Variants in ADAMTSL2 observed in about 807,000 individuals in gnomAD.
ADAMTSL2 encodes the protein ADAMTS like 2.
A neutral mutation model predicts 117.0 loss-of-function variants in ADAMTSL2; 55 were observed. The ratio of observed to expected loss-of-function variants is 0.47; its 90% CI spans 0.38 to 0.59. The LOEUF (loss-of-function observed/expected upper bound fraction) is 0.59. Ranked by LOEUF, ADAMTSL2 falls within the 20% of genes least tolerant of loss-of-function variation. ADAMTSL2 has a pLI of 0.00. For missense variants in ADAMTSL2, 1,182 were observed against 1,354.5 expected (o/e 0.87, Z 2.00); for synonymous variants, 572 against 566.4 (o/e 1.01, Z -0.14).
chr9:133,551,812 CTTTTTTTTTTTT>C (rs56225051), intron 9 of ADAMTSL2, among the ~76,000 whole-genome samples: 56 of 111,088 alleles, frequency 5.0e-4, no homozygotes, highest in Admixed American at 1.8e-3. Context: ...AAAGCAGCAG[CTTTTTTTTTTTT>C]TTTTTTTTTT....
intron 12 of ADAMTSL2, among the ~76,000 whole-genome samples, chr9:133,565,102 A>G (rs900159191): frequency 2.0e-5 from 3 of 152,214 alleles, no homozygotes; most frequent in African/African-American, 7.2e-5. Context: ...CACCGTGGTG[A>G]GGACAGTGGA....
At chr9:133,569,707 A>G (rs1831060066) in intron 16 of ADAMTSL2, 129 bp downstream of exon 16, 7 of 955,572 alleles carry the variant, frequency 7.3e-6, no homozygotes, top group Non-Finnish European at 9.5e-6. Flanking sequence ...TGAAGGGACA[A>G]TTCCCTAAAA....
At chr9:133,560,271 C>A (rs1351519530) in intron 11 of ADAMTSL2, among the ~76,000 whole-genome samples, 2 of 152,296 alleles carry the variant, frequency 1.3e-5, no homozygotes, top group East Asian at 3.9e-4. Flanking sequence ...GGCAATGCCA[C>A]CTGCTGCACT....
intron 1 of ADAMTSL2, among the ~76,000 whole-genome samples, 193 bp downstream of exon 1, chr9:133,535,110 G>A (rs1830020253): frequency 6.6e-6 from 1 of 152,172 alleles, no homozygotes; most frequent in African/African-American, 2.4e-5. Context: ...TTGTGCGCCC[G>A]GAGCTCTGTG....
At chr9:133,556,049 G>A in intron 11 of ADAMTSL2, 119 bp downstream of exon 11, 2 of 1,322,848 alleles carry the variant, frequency 1.5e-6, no homozygotes, top group South Asian at 1.4e-5. Flanking sequence ...GGTCCTAGAG[G>A]TAGAGGAGAG....
intron 3 of ADAMTSL2, among the ~76,000 whole-genome samples, chr9:133,537,797 T>C (rs916390049): frequency 2.6e-5 from 4 of 152,198 alleles, no homozygotes; most frequent in African/African-American, 9.6e-5. Context: ...CAGGAGCCAT[T>C]TCTAGAGGTC....
At position 133,551,500 on chromosome 9, in the gene ADAMTSL2, G is replaced by C. The variant is rs1030055137; in HGVS notation, c.940-2857G>C. ...AGAACTCGTGTTGGAGGCAGCTCTG[G>C]CTGTGTGGGTCGCCTGATGTCCCGT... On this transcript the variant is annotated intron_variant, in intron 9 of 18. Transcript: ENST00000651351. Among the ~76,000 whole-genome samples the C allele has an allele frequency of 7.2e-5, 11 of 152,314 alleles. No individual in the cohort carries two copies. The South Asian group carries it at 1.5e-3, about 20-fold the overall frequency.
intron 8 of ADAMTSL2, among the ~76,000 whole-genome samples, chr9:133,546,834 T>C (rs1830359347): frequency 6.6e-6 from 1 of 152,128 alleles, no homozygotes; most frequent in South Asian, 2.1e-4. Flanking sequence ...AGTCCTTCAT[T>C]GCTGATTTTA....
chr9:133,565,505 C>T (rs1318607227), intron 12 of ADAMTSL2, among the ~76,000 whole-genome samples: 2 of 152,228 alleles, frequency 1.3e-5, no homozygotes, highest in Non-Finnish European at 2.9e-5. Context: ...TGGAACATTC[C>T]AAGCAGACCT....
chr9:133,562,727 C>T (rs1450731554), intron 12 of ADAMTSL2, among the ~76,000 whole-genome samples: 3 of 143,352 alleles, frequency 2.1e-5, no homozygotes, highest in Admixed American at 6.9e-5. Flanking sequence ...CAGGCTCGCA[C>T]CGCCGTGGGC....
chr9:133,574,956 G>A lies in ADAMTSL2; in HGVS notation c.*92G>A, dbSNP rs62574238. On this transcript the variant is annotated 3_prime_UTR_variant, in exon 19 of 19. Coordinates refer to ENST00000651351, the MANE Select transcript of ADAMTSL2 (RefSeq NM_014694.4). Reference sequence around the variant, plus strand: ...GGGCCTCCACAGACCCCCCTCCTGCGGGGCACGCTGGCCTAAGAGACGTGG... The same window carrying A: ...GGGCCTCCACAGACCCCCCTCCTGCAGGGCACGCTGGCCTAAGAGACGTGG... The A allele has an allele frequency of 0.11, 108,784 of 969,004 alleles. 7,382 individuals are homozygous for A. The highest frequency in any genetic ancestry group is 0.17 in the Middle Eastern group (627 of 3,788). 60.0% of individuals were successfully genotyped at this position (969,004 alleles called of 1,614,324 possible).
At chr9:133,572,371 G>A (rs946827596) in intron 17 of ADAMTSL2, among the ~76,000 whole-genome samples, 3 of 152,180 alleles carry the variant, frequency 2.0e-5, no homozygotes, top group Non-Finnish European at 2.9e-5. Context: ...GGGTGAGCCG[G>A]CTTTTGCCGG....
At chr9:133,545,567 C>A (rs1390434050) in intron 8 of ADAMTSL2, among the ~76,000 whole-genome samples, 1 of 152,238 alleles carries the variant, frequency 6.6e-6, no homozygotes, top group African/African-American at 2.4e-5. Context: ...CTCCACCACC[C>A]AGCGCCCTGG....
chr9:133,534,565 C>A, upstream of ADAMTSL2: 1 of 1,038,254 alleles, frequency 9.6e-7, no homozygotes, highest in African/African-American at 1.7e-5. Context: ...CCGGCCTGGC[C>A]GGGCTCCAGA....
intron 12 of ADAMTSL2, among the ~76,000 whole-genome samples, chr9:133,563,861 G>A (rs1456224800): frequency 7.2e-5 from 5 of 69,300 alleles, no homozygotes; most frequent in Non-Finnish European, 1.5e-4. Context: ...GAGAGAGAGA[G>A]AGGGAGAGAG....
intron 9 of ADAMTSL2, among the ~76,000 whole-genome samples, chr9:133,549,917 G>T (rs1301584448): frequency 6.6e-6 from 1 of 152,220 alleles, no homozygotes; most frequent in Non-Finnish European, 1.5e-5. Context: ...CCAAGTGGTG[G>T]CTGGGAATGA....
At chr9:133,533,299 G>C (rs931245815), upstream of ADAMTSL2, among the ~76,000 whole-genome samples, 1 of 152,148 alleles carries the variant, frequency 6.6e-6, no homozygotes, top group Non-Finnish European at 1.5e-5. Context: ...CCACACCGCA[G>C]GTGGCCCTGT....
chr9:133,548,278 C>T (rs1198932379), intron 9 of ADAMTSL2, among the ~76,000 whole-genome samples: 2 of 152,226 alleles, frequency 1.3e-5, no homozygotes, highest in African/African-American at 4.8e-5. Flanking sequence ...GGAGGGGTCT[C>T]TAACTGGGGG....
In ADAMTSL2 at chr9:133,566,930, A is replaced by G; in HGVS notation, c.1748-6A>G. 6.2e-7 allele frequency: 1 copy of G among 1,604,926 alleles called. No homozygotes were observed. Among genetic ancestry groups the G allele is most frequent in the Admixed American group, 1.7e-5 (1 of 58,968 alleles). On this transcript the variant is annotated splice_polypyrimidine_tract_variant and splice_region_variant and intron_variant, in intron 12 of 18. Coordinates refer to ENST00000651351, the MANE Select transcript of ADAMTSL2 (RefSeq NM_014694.4). ...GCTCACAGACCCACCCCTGTCCCCA[A>G]CCCAGGGGTCATGTCTGCGTACGCC...
Sources: allele counts gnomAD v4.1 joint callset (sites outside exome capture counted in the v4.1 genomes callset), GRCh38; gene constraint gnomAD v4.1.1; transcripts MANE v1.5; gene names NCBI Gene and HGNC (gene_info 2026-07-23, HGNC 2026-07-21).